The following RBFOX1 variants were observed in gnomAD, a reference collection of about 807,000 sequenced individuals.
The protein encoded by RBFOX1 is RNA binding fox-1 homolog 1, also known as RNA binding protein fox-1 homolog 1.
RBFOX1 carries 8 observed loss-of-function variants against 57.7 expected under a neutral mutation model. The ratio of observed to expected loss-of-function variants is 0.14; its 90% confidence interval spans 0.08 to 0.25. The LOEUF (loss-of-function observed/expected upper bound fraction) is 0.25, where lower values mean the gene tolerates loss of function less well. Among genes scored for constraint, RBFOX1 ranks in the 10% least tolerant of loss-of-function variants. The probability of loss-of-function intolerance (pLI) is 1.00; values close to 1 mark genes in which losing one functional copy is unlikely to be tolerated. For synonymous variants in RBFOX1, 326 were observed against 222.4 expected, an observed-to-expected ratio of 1.47 and a Z score of -4.15; for missense variants, 611 against 548.5, an observed-to-expected ratio of 1.11 and a Z score of -1.14.
At chr16:6,212,263 A>G (rs1938789892) in intron 1 of RBFOX1, among the ~76,000 whole-genome samples, 2 of 152,216 alleles carry the variant, frequency 1.3e-5, no homozygotes, top group African/African-American at 4.8e-5. Context: ...TAGTATATAT[A>G]CTATGATTAC....
intron 3 of RBFOX1, among the ~76,000 whole-genome samples, chr16:5,779,079 G>T (rs558678807): frequency 2.4e-4 from 36 of 152,244 alleles, no homozygotes; most frequent in African/African-American, 7.9e-4. Flanking sequence ...GAACCATGCT[G>T]TCAATGACTA....
chr16:6,966,275 A>G (rs1333036198), intron 3 of RBFOX1, among the ~76,000 whole-genome samples: 1 of 152,090 alleles, frequency 6.6e-6, no homozygotes, highest in Non-Finnish European at 1.5e-5. Context: ...CCTCCCGTTG[A>G]CTGGGCACTC....
chr16:6,860,358 C>T (rs1244980932), intron 3 of RBFOX1, among the ~76,000 whole-genome samples: 5 of 152,136 alleles, frequency 3.3e-5, no homozygotes, highest in Admixed American at 2.6e-4. Context: ...ATTTGGGAAG[C>T]ATCTTGGAAA....
chr16:6,774,445 A>T (rs1305002571), intron 3 of RBFOX1, among the ~76,000 whole-genome samples: 3 of 152,156 alleles, frequency 2.0e-5, no homozygotes, highest in Non-Finnish European at 4.4e-5. Flanking sequence ...TTCCAGAAGC[A>T]AATTAAATAT....
chr16:7,170,247 A>G (rs2080417059), intron 4 of RBFOX1, among the ~76,000 whole-genome samples: 1 of 152,134 alleles, frequency 6.6e-6, no homozygotes, highest in Non-Finnish European at 1.5e-5. Flanking sequence ...GTAACAATTT[A>G]TCCTCCTGCT....
In RBFOX1 at chr16:6,866,504, T is replaced by A. The variant is rs183360481; in HGVS notation, c.-15-185553T>A. Among the ~76,000 whole-genome samples, 1,027 of 145,224 alleles carry A rather than the reference T, an allele frequency of 7.1e-3. 11 individuals carry two copies. Among genetic ancestry groups the A allele is most frequent in the Non-Finnish European group, 0.01 (680 of 66,232 alleles). On this transcript the variant is annotated intron_variant, in intron 3 of 15. Transcript: ENST00000550418. ...AGTGTGTTTCACAAAGGACTTTTTT[T>A]AAAAAAAAAAATAAGGTTAGGGCTT...
At chr16:6,831,989 C>G (rs1459896394) in intron 3 of RBFOX1, among the ~76,000 whole-genome samples, 2 of 152,166 alleles carry the variant, frequency 1.3e-5, no homozygotes, top group South Asian at 2.1e-4. Flanking sequence ...TGGGAATATA[C>G]CGAATGGTAT....
At chr16:5,617,119 G>C (rs912348322) in intron 3 of RBFOX1, among the ~76,000 whole-genome samples, 7 of 149,450 alleles carry the variant, frequency 4.7e-5, no homozygotes, top group African/African-American at 1.5e-4. Flanking sequence ...CCCTCCGTCC[G>C]TCCCTCCCTC....
At chr16:5,670,303 A>G (rs2049979359) in intron 3 of RBFOX1, among the ~76,000 whole-genome samples, 1 of 152,190 alleles carries the variant, frequency 6.6e-6, no homozygotes, top group Non-Finnish European at 1.5e-5. Flanking sequence ...TTCTCATAAT[A>G]CATTTAATCT....
intron 2 of RBFOX1, among the ~76,000 whole-genome samples, chr16:5,506,893 C>T (rs1040184636): frequency 6.6e-6 from 1 of 152,130 alleles, no homozygotes; most frequent in African/African-American, 2.4e-5. Context: ...TTGCATTTCC[C>T]CCTCCACCCA....
chr16:5,487,130 A>C (rs1296243304), intron 2 of RBFOX1, among the ~76,000 whole-genome samples: 1 of 152,068 alleles, frequency 6.6e-6, no homozygotes, highest in Non-Finnish European at 1.5e-5. Flanking sequence ...TCTCCAGACA[A>C]TGTCCACCCC....
At chr16:5,407,800 C>T (rs908460499) in intron 1 of RBFOX1, among the ~76,000 whole-genome samples, 6 of 152,150 alleles carry the variant, frequency 3.9e-5, no homozygotes, top group Admixed American at 6.5e-5. Flanking sequence ...CCAACTGCCC[C>T]GGCCTCCCAA....
intron 2 of RBFOX1, among the ~76,000 whole-genome samples, chr16:6,318,216 A>G (rs1002115578): frequency 6.6e-6 from 1 of 152,214 alleles, no homozygotes. Context: ...TAACGCTTGT[A>G]TCTCACAGGA....
chr16:5,918,380 A>C (rs1166219494), intron 4 of RBFOX1, among the ~76,000 whole-genome samples: 3 of 152,182 alleles, frequency 2.0e-5, no homozygotes, highest in African/African-American at 7.2e-5. Context: ...TTCGCCTCCC[A>C]AAGTGCTGGG....
intron 2 of RBFOX1, among the ~76,000 whole-genome samples, chr16:6,498,041 G>A (rs1033780587): frequency 2.6e-5 from 4 of 151,966 alleles, no homozygotes; most frequent in Admixed American, 1.3e-4. Flanking sequence ...CTAAGGTCAA[G>A]AGTTTGAGAC....
At chr16:5,777,118 A>G (rs2054173292) in intron 3 of RBFOX1, among the ~76,000 whole-genome samples, 1 of 152,098 alleles carries the variant, frequency 6.6e-6, no homozygotes, top group Admixed American at 6.5e-5. Context: ...AAACAACACA[A>G]ATTTATTACC....
chr16:7,176,951 C>G (rs1317889532), intron 4 of RBFOX1, among the ~76,000 whole-genome samples: 1 of 152,064 alleles, frequency 6.6e-6, no homozygotes, highest in African/African-American at 2.4e-5. Flanking sequence ...TATAGTATCG[C>G]TTTAGTAATT....
chr16:7,232,274 TTAA>T (rs1269639413), intron 4 of RBFOX1, among the ~76,000 whole-genome samples: 4 of 152,118 alleles, frequency 2.6e-5, no homozygotes, highest in Non-Finnish European at 4.4e-5. Context: ...CTTTAAATGG[TTAA>T]CAACCACCAC....
At chr16:6,353,292 C>G (rs2086712679) in intron 2 of RBFOX1, among the ~76,000 whole-genome samples, 2 of 151,982 alleles carry the variant, frequency 1.3e-5, no homozygotes, top group African/African-American at 2.4e-5. Flanking sequence ...ACCTAATCTT[C>G]CAATAAACTC....
Sources: allele counts gnomAD v4.1 joint callset (sites outside exome capture counted in the v4.1 genomes callset), GRCh38; gene constraint gnomAD v4.1.1; transcripts MANE v1.5; gene names NCBI Gene and HGNC (gene_info 2026-07-23, HGNC 2026-07-21).